The following RFX7 variants were observed in gnomAD, a reference collection of about 807,000 sequenced individuals.
RFX7 encodes the protein DNA-binding protein RFX7.
In RFX7, 26 loss-of-function variants were observed where a neutral mutation model predicts 111.8. The ratio of observed to expected loss-of-function variants is 0.23; its 90% confidence interval spans 0.17 to 0.32. The LOEUF is 0.32. Ranked by LOEUF, RFX7 falls within the 10% of genes least tolerant of loss-of-function variation. RFX7 has a pLI of 1.00. For synonymous variants in RFX7, 624 were observed against 624.4 expected (o/e 1.00, Z 0.01); for missense variants, 1,573 against 1,772.9 (o/e 0.89, Z 2.02).
At chr15:56,166,308 T>G (rs1017749190) in intron 3 of RFX7, among the ~76,000 whole-genome samples, 1 of 152,356 alleles carries the variant, frequency 6.6e-6, no homozygotes, top group African/African-American at 2.4e-5. Context: ...CTAAATGTTA[T>G]TTAATTTTAC....
At chr15:56,146,801 G>A (rs2141034800) in intron 3 of RFX7, among the ~76,000 whole-genome samples, 1 of 152,230 alleles carries the variant, frequency 6.6e-6, no homozygotes, top group East Asian at 1.9e-4. Flanking sequence ...ACAACACATA[G>A]AAGAAAAAAT....
At chr15:56,128,195 A>C (rs1305152977) in intron 5 of RFX7, among the ~76,000 whole-genome samples, 2 of 152,176 alleles carry the variant, frequency 1.3e-5, no homozygotes, top group Non-Finnish European at 2.9e-5. Flanking sequence ...AGTCTTTCAT[A>C]AACTCTTTGA....
rs779777172 is a variant in RFX7 at position 56,098,292 on chromosome 15, G to A, written c.896C>T (p.Ser299Phe). Residue 299 changes from serine to phenylalanine, a missense_variant, in exon 9 of 10, where the codon TCT becomes TTT. Ser to Phe is a radical substitution (Grantham distance 155, BLOSUM62 -2). Transcript: ENST00000559447. ...CAACTGCTGTTTAGCATCAATTGGA[G>A]ATGGCAAAGTCTTCACCTGAGGCTG... ...SFQPQVKTLP[S>F]PIDAKQQLQR... The A allele has an allele frequency of 1.2e-6, 2 of 1,613,858 alleles. No homozygotes were observed. The highest frequency in any genetic ancestry group is 1.7e-5 in the Admixed American group (1 of 60,018).
At chr15:56,123,454 C>G (rs952844359) in intron 5 of RFX7, among the ~76,000 whole-genome samples, 8 of 152,156 alleles carry the variant, frequency 5.3e-5, no homozygotes, top group Non-Finnish European at 1.2e-4. Flanking sequence ...AGATAAAGTC[C>G]TCTTCACGTT....
At chr15:56,128,924 G>A (rs772404666) in intron 5 of RFX7, among the ~76,000 whole-genome samples, 2 of 151,176 alleles carry the variant, frequency 1.3e-5, no homozygotes, top group Admixed American at 1.3e-4. Context: ...TAATCCAAAA[G>A]TGTTATTAAA....
chr15:56,196,878 T>C (rs776081792), intron 2 of RFX7, among the ~76,000 whole-genome samples: 11 of 152,176 alleles, frequency 7.2e-5, no homozygotes, highest in Non-Finnish European at 1.6e-4. Context: ...ATGGAGATCT[T>C]GTTATTCATA....
chr15:56,170,350 C>G (rs770900502), intron 3 of RFX7, among the ~76,000 whole-genome samples: 2 of 152,154 alleles, frequency 1.3e-5, no homozygotes, highest in Admixed American at 1.3e-4. Context: ...ACTATAAGTA[C>G]GTGTTACGAA....
chr15:56,148,491 G>A (rs1045922204), intron 3 of RFX7, among the ~76,000 whole-genome samples: 2 of 152,216 alleles, frequency 1.3e-5, no homozygotes, highest in Non-Finnish European at 2.9e-5. Flanking sequence ...TGAAGGCATA[G>A]TGTAAGATCA....
In RFX7 at chr15:56,146,091, A is replaced by AT. The variant is rs766284121; in HGVS notation, c.196-1609dup. Among the ~76,000 whole-genome samples the AT allele has an allele frequency of 1.1e-3, 172 of 151,242 alleles. 1 individual carries two copies. Among genetic ancestry groups the AT allele is most frequent in the Non-Finnish European group, 7.8e-4 (53 of 67,740 alleles). ...TAATGTCTTAAATATGGTTCCTGAA[A>AT]TTTTTTTTTGTCAAATTGTTTTTTT... is the stretch of plus-strand genomic sequence containing the variant. On this transcript the variant is annotated intron_variant, in intron 3 of 9. Transcript: ENST00000559447.
At chr15:56,157,729 G>A (rs2042671239) in intron 3 of RFX7, among the ~76,000 whole-genome samples, 1 of 152,178 alleles carries the variant, frequency 6.6e-6, no homozygotes, top group Non-Finnish European at 1.5e-5. Context: ...ATAGGCGTGT[G>A]CCACCACGCC....
intron 8 of RFX7, among the ~76,000 whole-genome samples, chr15:56,100,579 T>C (rs1181541834): frequency 6.6e-6 from 1 of 152,230 alleles, no homozygotes; most frequent in East Asian, 1.9e-4. Flanking sequence ...AATTAACACT[T>C]AGAAGGACAG....
At chr15:56,142,047 G>T (rs865869839) in intron 5 of RFX7, among the ~76,000 whole-genome samples, 9 of 152,016 alleles carry the variant, frequency 5.9e-5, no homozygotes, top group African/African-American at 1.9e-4. Flanking sequence ...CCCCAAATTT[G>T]TAAGTACAAC....
At chr15:56,221,485 A>C (rs574160815) in intron 2 of RFX7, among the ~76,000 whole-genome samples, 136 of 152,262 alleles carry the variant, frequency 8.9e-4, no homozygotes, top group African/African-American at 3.1e-3. Flanking sequence ...TGTAGACAGT[A>C]TATAGTTGGA....
Position 56,087,641 on chromosome 15 carries a change from A to C in RFX7, c.*5704T>G. 4.5e-6 allele frequency: 2 copies of C among 443,488 alleles called. No individual in the cohort carries two copies. Among genetic ancestry groups the C allele is most frequent in the Admixed American group, 4.8e-5 (2 of 41,676 alleles). The allele number at this position is 443,488 out of a possible 1,614,324, so 27.5% of individuals were successfully genotyped here. On this transcript the variant is annotated 3_prime_UTR_variant, in exon 10 of 10. Coordinates refer to ENST00000559447, the MANE Select transcript of RFX7 (RefSeq NM_022841.7). ...ATGGCTGTGTGCTCAGCTAAAAATCAAGGACTTTTACAGTAAAGAAGAAGG... is the reference window on the plus strand; with the variant it reads ...ATGGCTGTGTGCTCAGCTAAAAATCCAGGACTTTTACAGTAAAGAAGAAGG...
At chr15:56,198,832 C>A (rs2043168840) in intron 2 of RFX7, among the ~76,000 whole-genome samples, 1 of 152,022 alleles carries the variant, frequency 6.6e-6, no homozygotes, top group Non-Finnish European at 1.5e-5. Context: ...TCTTTTCTCT[C>A]CTTTTGTATA....
At chr15:56,112,379 C>A (rs1483606008) in intron 5 of RFX7, among the ~76,000 whole-genome samples, 111 of 71,710 alleles carry the variant, frequency 1.5e-3, no homozygotes, top group Middle Eastern at 0.013. Flanking sequence ...GAGTACAAAT[C>A]AAAAAAAAAA....
intron 2 of RFX7, among the ~76,000 whole-genome samples, chr15:56,239,411 G>A (rs1050983744): frequency 1.3e-5 from 2 of 151,878 alleles, no homozygotes; most frequent in Non-Finnish European, 2.9e-5. Context: ...CAGGATTACA[G>A]GTGGGCACCA....
At chr15:56,177,841 G>A (rs1461369712) in intron 3 of RFX7, among the ~76,000 whole-genome samples, 1 of 152,058 alleles carries the variant, frequency 6.6e-6, no homozygotes, top group East Asian at 1.9e-4. Context: ...ACTCTTAAGA[G>A]TTGGAAGACA....
chr15:56,217,721 TTTAA>T (rs2043377297), intron 2 of RFX7, among the ~76,000 whole-genome samples: 2 of 152,228 alleles, frequency 1.3e-5, no homozygotes, highest in South Asian at 4.1e-4. Flanking sequence ...GTACAATTTA[TTTAA>T]TTATAGCTTT....
Sources: gnomAD v4.1 joint callset for allele counts (sites outside exome capture counted in the v4.1 genomes callset) on GRCh38, gnomAD v4.1.1 for gene constraint, MANE v1.5 for transcripts, NCBI Gene and HGNC (gene_info 2026-07-23, HGNC 2026-07-21) for gene names.